KIF1A: variants seen among roughly 807,000 people sequenced by gnomAD.
KIF1A encodes the protein kinesin family member 1A.
KIF1A carries 46 observed loss-of-function variants against 227.3 expected under a neutral mutation model. That is an observed-to-expected ratio of 0.20 (90% CI 0.16 to 0.26). The LOEUF (loss-of-function observed/expected upper bound fraction) is 0.26. Ranked by LOEUF, KIF1A falls within the 10% of genes least tolerant of loss-of-function variation. The probability of loss-of-function intolerance (pLI) is 1.00; values close to 1 mark genes in which losing one functional copy is unlikely to be tolerated. For synonymous variants in KIF1A, 1,022 were observed against 1,012.8 expected (o/e 1.01, Z -0.17); for missense variants, 1,683 against 2,485.9 (o/e 0.68, Z 6.87).
At chr2:240,759,649 G>A (rs1344514483) in intron 25 of KIF1A, among the ~76,000 whole-genome samples, 4 of 152,076 alleles carry the variant, frequency 2.6e-5, no homozygotes, top group African/African-American at 9.7e-5. Flanking sequence ...CCAGGGGCCT[G>A]TGAGTGACAT....
chr2:240,733,360 G>A (rs887532516), intron 38 of KIF1A, among the ~76,000 whole-genome samples: 2 of 152,112 alleles, frequency 1.3e-5, no homozygotes, highest in Non-Finnish European at 2.9e-5. Flanking sequence ...CTGCAAGCCC[G>A]CCAGACTCAC....
chr2:240,814,178 C>A (rs2058155407), intron 1 of KIF1A, among the ~76,000 whole-genome samples: 1 of 151,888 alleles, frequency 6.6e-6, no homozygotes, highest in Admixed American at 6.6e-5. Flanking sequence ...AGTAGAGACC[C>A]TGACTTCAGT....
intron 10 of KIF1A, among the ~76,000 whole-genome samples, chr2:240,780,618 C>T (rs1401361282): frequency 6.6e-6 from 1 of 151,876 alleles, no homozygotes; most frequent in Non-Finnish European, 1.5e-5. Flanking sequence ...CCACGCACAG[C>T]TCATGTTCCC....
At chr2:240,783,898 A>AG in intron 7 of KIF1A, 82 bp from the exon 8 acceptor site, 1 of 1,073,284 alleles carries the variant, frequency 9.3e-7, no homozygotes, top group South Asian at 1.4e-5. Flanking sequence ...AGGTCTCCAC[A>AG]GCTGTTGAAG....
At chr2:240,819,302 C>A (rs2058550238) in intron 1 of KIF1A, among the ~76,000 whole-genome samples, 1 of 152,208 alleles carries the variant, frequency 6.6e-6, no homozygotes, top group African/African-American at 2.4e-5. Context: ...CGCCGCCAGC[C>A]TAGACCCTGC....
rs1325044293 is a variant in KIF1A at position 240,745,351 on chromosome 2, A to G, written c.3465+76T>C. The G allele has an allele frequency of 6.2e-6, 7 of 1,132,628 alleles. No individual in the cohort carries two copies. The East Asian group carries it at 1.7e-4, about 27-fold the overall frequency. 70.2% of individuals were successfully genotyped at this position (1,132,628 alleles called of 1,614,324 possible). On this transcript the variant is annotated intron_variant, in intron 32 of 48. Coordinates refer to ENST00000498729, the MANE Select transcript of KIF1A (RefSeq NM_001244008.2). Reference sequence around the variant, plus strand: ...CCCACAACTGGTGTTCAGAAGAGGGAGAATGAGCCATGCTCAGAGAGGCCC... The same window carrying G: ...CCCACAACTGGTGTTCAGAAGAGGGGGAATGAGCCATGCTCAGAGAGGCCC...
At position 240,773,264 on chromosome 2, in the gene KIF1A, G is replaced by A; in HGVS notation, c.1038-8C>T. The A allele has an allele frequency of 6.2e-7, 1 of 1,613,808 alleles. No individual in the cohort carries two copies. The highest frequency in any genetic ancestry group is 1.1e-5 in the South Asian group (1 of 91,082). The stretch of plus-strand genomic sequence containing the variant: ...TTGGCCCGGTCAGCATACCTGGGTG[G>A]CAGAGGGGGCTGTGGGCTGTGCTCG... On this transcript the variant is annotated splice_polypyrimidine_tract_variant and splice_region_variant and intron_variant, in intron 12 of 48. Coordinates refer to ENST00000498729, the MANE Select transcript of KIF1A (RefSeq NM_001244008.2).
In KIF1A at chr2:240,724,927, CCGG is replaced by C. The variant is rs200067232; in HGVS notation, c.4256+341_4256+343del. 4.2e-3 allele frequency: 321 copies of C among 76,332 alleles called. 21 individuals are homozygous for C. Among genetic ancestry groups the C allele is most frequent in the Admixed American group, 0.012 (44 of 3,600 alleles). The allele number at this position is 76,332 out of a possible 1,614,324, so 4.7% of individuals were successfully genotyped here. On this transcript the variant is annotated intron_variant, in intron 40 of 48. Transcript: ENST00000498729. Reference sequence around the variant, plus strand: ...CCGTGGTCCTCAGGGAAGAAGGTCACCGGCGGCGGGGGGGGGGGGGGGGGAACG... The same window carrying C: ...CCGTGGTCCTCAGGGAAGAAGGTCACCGGCGGGGGGGGGGGGGGGGGAACG...
chr2:240,767,108 G>T, intron 18 of KIF1A, 87 bp from the exon 19 acceptor site: 2 of 1,192,398 alleles, frequency 1.7e-6, no homozygotes, highest in Non-Finnish European at 1.2e-6. Flanking sequence ...CGCCCAACCA[G>T]GATTGTTTGG....
intron 9 of KIF1A, 33 bp downstream of exon 9, chr2:240,783,011 T>C (rs761357070): frequency 6.4e-7 from 1 of 1,562,860 alleles, no homozygotes; most frequent in South Asian, 1.1e-5. Context: ...CCCTCTGGGG[T>C]TCTGGCTATG....
At chr2:240,744,944 G>A (rs1480496291) in intron 32 of KIF1A, among the ~76,000 whole-genome samples, 1 of 152,184 alleles carries the variant, frequency 6.6e-6, no homozygotes, top group African/African-American at 2.4e-5. Flanking sequence ...CCCGCCTGGA[G>A]AAGGAGCTGC....
Position 240,737,100 on chromosome 2 carries a change from G to A in KIF1A, c.3970C>T (p.Leu1324Phe), listed in dbSNP as rs2125718724. The stretch of plus-strand genomic sequence containing the variant: ...GCTGGGTGGATGTATCCGGAAGAGA[G>A]GATGTTGAGAGACAAGATGTTGGGG... The part of the protein sequence containing the change: ...IDPNILSLNI[L>F]SSGYIHPAQD... Residue 1324 changes from leucine (L) to phenylalanine (F), a missense_variant, in exon 38 of 49, where the codon CTC (leucine) becomes TTC (phenylalanine). Physicochemically the swap from Leu to Phe is conservative, Grantham distance 22. Coordinates refer to ENST00000498729, the MANE Select transcript of KIF1A (RefSeq NM_001244008.2). The A allele has an allele frequency of 3.1e-6, 5 of 1,613,774 alleles. No individual in the cohort carries two copies. In the South Asian group the frequency reaches 3.3e-5, roughly 11 times the overall value.
chr2:240,790,965 G>A lies in KIF1A; in HGVS notation c.107-1653C>T, dbSNP rs532764255. On this transcript the variant is annotated intron_variant, in intron 2 of 48. Transcript: ENST00000498729. This position sits in a 1 kb window ranked among gnomAD's most constrained non-coding sequence, Gnocchi z 5.0. The stretch of plus-strand genomic sequence containing the variant: ...GCACTGAGACCCCCTCTGGCCAAGC[G>A]TCTTGCTGACAGCACAGGCATCACT... Among the ~76,000 whole-genome samples, 27 of 152,278 alleles carry A rather than the reference G, an allele frequency of 1.8e-4. No individual in the cohort carries two copies. Among genetic ancestry groups the A allele is most frequent in the African/African-American group, 6.0e-4 (25 of 41,550 alleles).
intron 47 of KIF1A, among the ~76,000 whole-genome samples, 167 bp from the exon 48 acceptor site, chr2:240,718,335 A>G (rs2044809056): frequency 6.6e-6 from 1 of 152,170 alleles, no homozygotes; most frequent in Non-Finnish European, 1.5e-5. Flanking sequence ...CAGGGCTGTG[A>G]CTGCCTTCTG....
chr2:240,735,950 C>T (rs1032466340), intron 38 of KIF1A, among the ~76,000 whole-genome samples: 11 of 152,210 alleles, frequency 7.2e-5, no homozygotes, highest in Admixed American at 7.2e-4. Flanking sequence ...GAGCTGCATC[C>T]ACCCTGCCCA....
At chr2:240,769,426 G>A (rs2051638827) in intron 16 of KIF1A, among the ~76,000 whole-genome samples, 1 of 152,224 alleles carries the variant, frequency 6.6e-6, no homozygotes, top group Non-Finnish European at 1.5e-5. Flanking sequence ...AGGTCTCTCA[G>A]GCCTTGGTGG....
intron 27 of KIF1A, among the ~76,000 whole-genome samples, chr2:240,756,341 G>A (rs1296589045): frequency 6.6e-6 from 1 of 152,214 alleles, no homozygotes; most frequent in Admixed American, 6.5e-5. Flanking sequence ...TGTTTCGTGA[G>A]CTGACCTTCT....
In KIF1A at chr2:240,716,986, C is replaced by T. The variant is rs1375128095; in HGVS notation, c.*378G>A. ...TAGAAATAAATACTTATAAATAGAA[C>T]AAGTCTTATAGTTAATTTCCGAGTT... is the stretch of plus-strand genomic sequence containing the variant. On this transcript the variant is annotated 3_prime_UTR_variant, in exon 49 of 49. Transcript: ENST00000498729. 1 of 213,212 alleles carries T rather than the reference C, an allele frequency of 4.7e-6. No homozygotes were observed. The highest frequency in any genetic ancestry group is 9.3e-6 in the Non-Finnish European group (1 of 107,726). 13.2% of individuals were successfully genotyped at this position (213,212 alleles called of 1,614,324 possible).
At chr2:240,817,455 C>T (rs1418194240) in intron 1 of KIF1A, among the ~76,000 whole-genome samples, 2 of 152,200 alleles carry the variant, frequency 1.3e-5, no homozygotes, top group Non-Finnish European at 2.9e-5. Context: ...CGTGCTCATC[C>T]TACCAATCAC....
Sources: allele counts gnomAD v4.1 joint callset (sites outside exome capture counted in the v4.1 genomes callset), GRCh38; gene constraint gnomAD v4.1.1; non-coding constraint Gnocchi (gnomAD v3.1); transcripts MANE v1.5; gene names NCBI Gene and HGNC (gene_info 2026-07-23, HGNC 2026-07-21).